Variants in SPPL2A observed in about 807,000 individuals in gnomAD.
SPPL2A encodes signal peptide peptidase-like 2A.
A neutral mutation model predicts 63.8 loss-of-function variants in SPPL2A; 51 were observed. The observed-to-expected ratio is 0.80, with a 90% CI of 0.64 to 1.01. The LOEUF (loss-of-function observed/expected upper bound fraction) is 1.01, where lower values mean the gene tolerates loss of function less well. Ranked by LOEUF, SPPL2A falls within the 50% of genes least tolerant of loss-of-function variation. The probability of loss-of-function intolerance (pLI) is 0.00; values close to 1 mark genes in which losing one functional copy is unlikely to be tolerated. For synonymous variants in SPPL2A, 188 were observed against 205.8 expected, an observed-to-expected ratio of 0.91 and a Z score of 0.74; for missense variants, 553 against 622.7, an observed-to-expected ratio of 0.89 and a Z score of 1.19.
intron 2 of SPPL2A, among the ~76,000 whole-genome samples, chr15:50,749,433 G>A (rs370453450): frequency 3.3e-5 from 5 of 151,916 alleles, no homozygotes; most frequent in Admixed American, 1.3e-4. Context: ...GACTACAGGC[G>A]CCTGCCACCA....
intron 5 of SPPL2A, among the ~76,000 whole-genome samples, chr15:50,741,147 T>G (rs113856694): frequency 2.9e-4 from 44 of 152,232 alleles, no homozygotes; most frequent in African/African-American, 1.0e-3. Context: ...GGGCAATCTC[T>G]CTTGTCGACC....
chr15:50,711,075 T>G (rs558852485), intron 14 of SPPL2A, among the ~76,000 whole-genome samples: 6 of 152,104 alleles, frequency 3.9e-5, no homozygotes, highest in Non-Finnish European at 8.8e-5. Flanking sequence ...AGACTTCACA[T>G]AAAATCAAAT....
chr15:50,714,857 C>T (rs923686660), intron 14 of SPPL2A, among the ~76,000 whole-genome samples: 3 of 151,846 alleles, frequency 2.0e-5, no homozygotes, highest in African/African-American at 2.4e-5. Context: ...GCAGGAGAAT[C>T]GCTTAAACCT....
At chr15:50,744,529 C>T (rs1420420946) in intron 5 of SPPL2A, among the ~76,000 whole-genome samples, 1 of 152,096 alleles carries the variant, frequency 6.6e-6, no homozygotes, top group East Asian at 1.9e-4. Flanking sequence ...TGAATATACA[C>T]TGACTCTTTT....
chr15:50,725,295 A>G lies in SPPL2A; in HGVS notation c.1175T>C (p.Leu392Pro). ...KLPVVIRVPK[L>P]IYFSVMSVCL... Reference sequence around the variant, plus strand: ...CACACTCATTACTGAGAAATAGATCAGTTTTGGTACTCTGATGACTACTGG... The same window carrying G: ...CACACTCATTACTGAGAAATAGATCGGTTTTGGTACTCTGATGACTACTGG... Residue 392 changes from leucine to proline, a missense_variant, in exon 12 of 15, where the codon CTG (leucine) becomes CCG (proline). By Grantham distance (98) the Leu-to-Pro change is moderately conservative. Transcript: ENST00000261854. 1 of 1,606,502 alleles carries G rather than the reference A, an allele frequency of 6.2e-7. No individual in the cohort carries two copies. Among genetic ancestry groups the G allele is most frequent in the East Asian group, 2.2e-5 (1 of 44,830 alleles).
chr15:50,711,256 C>G (rs554807591), intron 14 of SPPL2A, among the ~76,000 whole-genome samples: 1 of 143,452 alleles, frequency 7.0e-6, no homozygotes, highest in East Asian at 2.1e-4. Flanking sequence ...GTTGCCCAGG[C>G]TGGAGTGCAA....
At chr15:50,746,028 A>G (rs1027738758) in intron 5 of SPPL2A, among the ~76,000 whole-genome samples, 3 of 151,812 alleles carry the variant, frequency 2.0e-5, no homozygotes, top group African/African-American at 7.3e-5. Context: ...TCCAGCCTGC[A>G]TGACAGAGCA....
intron 14 of SPPL2A, among the ~76,000 whole-genome samples, chr15:50,714,163 G>T (rs1022052563): frequency 6.6e-6 from 1 of 152,184 alleles, no homozygotes; most frequent in Non-Finnish European, 1.5e-5. Flanking sequence ...TATTAACAAA[G>T]TTGGCCTATG....
At chr15:50,728,669 AGTCTCACTCT>A (rs1487761165) in intron 10 of SPPL2A, among the ~76,000 whole-genome samples, 1 of 150,654 alleles carries the variant, frequency 6.6e-6, no homozygotes, top group African/African-American at 2.4e-5. Context: ...TTTGAAACGG[AGTCTCACTCT>A]GTTGCCCAGG....
At chr15:50,709,574 G>A (rs2055974715) in intron 14 of SPPL2A, among the ~76,000 whole-genome samples, 2 of 152,072 alleles carry the variant, frequency 1.3e-5, no homozygotes, top group Admixed American at 6.6e-5. Context: ...GGTGGATCAC[G>A]AGGTCAGGAG....
intron 1 of SPPL2A, among the ~76,000 whole-genome samples, chr15:50,763,918 CA>C (rs912414892): frequency 6.6e-6 from 1 of 151,824 alleles, no homozygotes; most frequent in African/African-American, 2.4e-5. Flanking sequence ...AAAACAACAA[CA>C]AAAAAAGGCC....
chr15:50,719,078 A>T (rs1046346171), intron 14 of SPPL2A, among the ~76,000 whole-genome samples: 6 of 152,016 alleles, frequency 3.9e-5, no homozygotes, highest in African/African-American at 1.4e-4. Context: ...ATTTAGGGGG[A>T]AAAAAAAGAA....
Position 50,765,488 on chromosome 15 carries a change from A to T in SPPL2A, c.46T>A (p.Trp16Arg), listed in dbSNP as rs1271870163. 4 of 1,503,632 alleles carry T rather than the reference A, an allele frequency of 2.7e-6. No individual in the cohort carries two copies. The highest frequency in any genetic ancestry group is 3.5e-6 in the Non-Finnish European group (4 of 1,133,848). The allele number at this position is 1,503,632 out of a possible 1,614,324, so 93.1% of individuals were successfully genotyped here. ...RLSPAGAALL[W>R]GFLLQLTAAQ... ...CTTACCAGCTGGAGCAGGAAGCCCC[A>T]GAGTAGGGCGGCCCCGGCAGGGGAC... The change falls in exon 1 of 15, where the codon TGG becomes AGG. Residue 16 changes from tryptophan to arginine, a missense_variant. By Grantham distance (101) the Trp-to-Arg change is moderately radical (BLOSUM62 -3). Coordinates refer to ENST00000261854, the MANE Select transcript of SPPL2A (RefSeq NM_032802.4).
At chr15:50,757,137 C>G (rs2062965280) in intron 1 of SPPL2A, among the ~76,000 whole-genome samples, 1 of 147,268 alleles carries the variant, frequency 6.8e-6, no homozygotes, top group Non-Finnish European at 1.5e-5. Flanking sequence ...GGCTGGAGTG[C>G]AGTGGTGCGA....
Position 50,736,678 on chromosome 15 carries a change from C to T in SPPL2A, c.796G>A (p.Ala266Thr). 1 of 1,607,642 alleles carries T rather than the reference C, an allele frequency of 6.2e-7. No individual in the cohort carries two copies. Among genetic ancestry groups the T allele is most frequent in the Non-Finnish European group, 8.5e-7 (1 of 1,174,744 alleles). ...CCATATGGTATCTTATGAATTAGTGCAGCAAGACAGTTGTACAGACTCATT... is the reference window on the plus strand; with the variant it reads ...CCATATGGTATCTTATGAATTAGTGTAGCAAGACAGTTGTACAGACTCATT... Reference protein sequence around the residue: ...SAMSLYNCLAALIHKIPYGQC... With the variant: ...SAMSLYNCLATLIHKIPYGQC... The change falls in exon 7 of 15, where the codon GCA becomes ACA. Residue 266 changes from alanine to threonine, a missense_variant. Transcript: ENST00000261854.
At chr15:50,763,206 G>A (rs1596403181) in intron 1 of SPPL2A, among the ~76,000 whole-genome samples, 1 of 152,118 alleles carries the variant, frequency 6.6e-6, no homozygotes, top group East Asian at 1.9e-4. Flanking sequence ...GACAGAGTTG[G>A]AGGAAAGGAA....
intron 14 of SPPL2A, among the ~76,000 whole-genome samples, chr15:50,711,848 TTTGA>T (rs1326827066): frequency 1.3e-5 from 2 of 152,344 alleles, no homozygotes; most frequent in South Asian, 2.1e-4. Flanking sequence ...CTGTTTTGTC[TTTGA>T]TTATTTCAAA....
chr15:50,752,619 G>A (rs191484537), intron 1 of SPPL2A, among the ~76,000 whole-genome samples: 2 of 152,058 alleles, frequency 1.3e-5, no homozygotes, highest in African/African-American at 4.8e-5. Flanking sequence ...TCAGGAGGCT[G>A]AGGCAGGAAA....
At chr15:50,713,808 G>C (rs1456118706) in intron 14 of SPPL2A, among the ~76,000 whole-genome samples, 1 of 151,950 alleles carries the variant, frequency 6.6e-6, no homozygotes, top group Non-Finnish European at 1.5e-5. Flanking sequence ...TCAATGAGTC[G>C]AGAAATAACC....
Sources: gnomAD v4.1 joint callset for allele counts (sites outside exome capture counted in the v4.1 genomes callset) on GRCh38, gnomAD v4.1.1 for gene constraint, MANE v1.5 for transcripts, NCBI Gene and HGNC (gene_info 2026-07-23, HGNC 2026-07-21) for gene names.